Variants in PVT1 observed in about 807,000 individuals in gnomAD.
PVT1 encodes Pvt1 oncogene.
At chr8:127,887,028 A>G (rs2129795836) in intron 2 of PVT1, among the ~76,000 whole-genome samples, 1 of 152,336 alleles carries the variant, frequency 6.6e-6, no homozygotes, top group East Asian at 1.9e-4. Context: ...TTGGGCAGCA[A>G]TATAAATTGC....
intron 5 of PVT1, among the ~76,000 whole-genome samples, chr8:128,085,218 A>G (rs1003640251): frequency 2.6e-5 from 4 of 152,088 alleles, no homozygotes; most frequent in African/African-American, 9.7e-5. Flanking sequence ...TCAGCCAGCA[A>G]TCCTGAGAGC....
chr8:128,050,002 C>T (rs1410822166), intron 4 of PVT1, among the ~76,000 whole-genome samples: 2 of 152,140 alleles, frequency 1.3e-5, no homozygotes, highest in African/African-American at 2.4e-5. Flanking sequence ...AGGAGATGAC[C>T]GATGATCACG....
intron 2 of PVT1, among the ~76,000 whole-genome samples, chr8:127,817,411 TA>T (rs1328639676): frequency 2.0e-3 from 232 of 114,266 alleles, no homozygotes; most frequent in African/African-American, 7.3e-3. Flanking sequence ...AAATAATATA[TA>T]TTTAAATAGA....
intron 4 of PVT1, among the ~76,000 whole-genome samples, chr8:128,063,282 G>T (rs193226992): frequency 6.6e-6 from 1 of 152,224 alleles, no homozygotes; most frequent in Non-Finnish European, 1.5e-5. Flanking sequence ...GGATTCTGAG[G>T]TGGGAGGATC....
intron 2 of PVT1, among the ~76,000 whole-genome samples, chr8:127,850,342 G>A (rs1033568723): frequency 6.6e-6 from 1 of 152,172 alleles, no homozygotes; most frequent in African/African-American, 2.4e-5. Context: ...TGTAATCTCT[G>A]TGGCTTGTTT....
chr8:128,015,281 G>T (rs1339214028), intron 4 of PVT1, among the ~76,000 whole-genome samples: 1 of 151,820 alleles, frequency 6.6e-6, no homozygotes, highest in Admixed American at 6.6e-5. Context: ...GTAGAGACTG[G>T]TTTTCACTAT....
chr8:127,871,475 G>T (rs575563235), intron 2 of PVT1, among the ~76,000 whole-genome samples: 1 of 152,334 alleles, frequency 6.6e-6, no homozygotes, highest in South Asian at 2.1e-4. Flanking sequence ...AAATTTTGCT[G>T]CTGAGGAAGG....
chr8:127,984,837 T>TTTTCTTTTCTTTCTTTC (rs1196758951), intron 3 of PVT1, among the ~76,000 whole-genome samples: 4 of 81,282 alleles, frequency 4.9e-5, no homozygotes, highest in Non-Finnish European at 7.6e-5. Context: ...CTTTCTTTTC[T>TTTTCTTTTCTTTCTTTC]TTTCTTTCTT....
chr8:128,004,509 C>T (rs985966414), intron 4 of PVT1, among the ~76,000 whole-genome samples: 2 of 152,120 alleles, frequency 1.3e-5, no homozygotes, highest in African/African-American at 2.4e-5. Flanking sequence ...TAGCAAAGCC[C>T]GGGGCACAAT....
chr8:127,924,753 C>T lies in PVT1; in HGVS notation n.782+33755C>T, dbSNP rs755918716. Among the ~76,000 whole-genome samples the T allele has an allele frequency of 5.3e-5, 8 of 152,066 alleles. No individual in the cohort carries two copies. The South Asian group carries it at 6.2e-4, about 12-fold the overall frequency. On this transcript the variant is annotated intron_variant and non_coding_transcript_variant, in intron 3 of 10. Transcript: ENST00000651587. Reference sequence around the variant, plus strand: ...GTCTTGATCTCCTGACCTCGTGATCCGCCCACCTCGGCCTCCCAAAGTGCT... The same window carrying T: ...GTCTTGATCTCCTGACCTCGTGATCTGCCCACCTCGGCCTCCCAAAGTGCT...
At chr8:128,025,065 C>T (rs1817477703) in intron 4 of PVT1, among the ~76,000 whole-genome samples, 1 of 152,238 alleles carries the variant, frequency 6.6e-6, no homozygotes, top group Non-Finnish European at 1.5e-5. Context: ...TGCTGGCTGC[C>T]CCGGCATCTA....
Position 128,054,806 on chromosome 8 carries a change from C to T in PVT1, n.913-15354C>T, listed in dbSNP as rs933031618. On this transcript the variant is annotated intron_variant and non_coding_transcript_variant, in intron 4 of 10. Coordinates refer to ENST00000651587, the Ensembl canonical transcript of PVT1. ...GAGAAATGCCATGTGATGGTTAATT[C>T]CATCTGTCACCTTGGGTAGTTACCC... Among the ~76,000 whole-genome samples the T allele has an allele frequency of 3.9e-5, 6 of 152,314 alleles. No homozygotes were observed. The East Asian group carries it at 1.2e-3, about 29-fold the overall frequency.
At chr8:127,798,208 G>A (rs1027040089) in intron 2 of PVT1, among the ~76,000 whole-genome samples, 1 of 151,928 alleles carries the variant, frequency 6.6e-6, no homozygotes, top group African/African-American at 2.4e-5. Context: ...GGAGTCTGAG[G>A]CAGGAGAATT....
chr8:127,823,504 T>C (rs925627888), intron 2 of PVT1, among the ~76,000 whole-genome samples: 1 of 152,232 alleles, frequency 6.6e-6, no homozygotes, highest in Non-Finnish European at 1.5e-5. Context: ...CTGCCTGTCC[T>C]TAGCCCTGTT....
chr8:127,984,890 T>TCC (rs1491150179), intron 3 of PVT1, among the ~76,000 whole-genome samples: 1 of 103,454 alleles, frequency 9.7e-6, no homozygotes, highest in Non-Finnish European at 2.1e-5. Context: ...TCTTTCTTTC[T>TCC]TTCTTTCTTT....
chr8:127,956,181 G>A lies in PVT1; in HGVS notation n.783-32981G>A, dbSNP rs577548296. The stretch of plus-strand genomic sequence containing the variant: ...GGGAAGAGCCTTGGCTTTGGCCCCA[G>A]CACTCAGCTGTTCCAGGTTGAGCCT... On this transcript the variant is annotated intron_variant and non_coding_transcript_variant, in intron 3 of 10. Transcript: ENST00000651587. Among the ~76,000 whole-genome samples, 4 of 152,362 alleles carry A rather than the reference G, an allele frequency of 2.6e-5. No homozygotes were observed. In the East Asian group the frequency reaches 7.7e-4, roughly 29 times the overall value.
chr8:128,069,964 T>C (rs1356972727), intron 4 of PVT1, among the ~76,000 whole-genome samples: 1 of 152,160 alleles, frequency 6.6e-6, no homozygotes, highest in Non-Finnish European at 1.5e-5. Flanking sequence ...GAGACAAATG[T>C]GGAATTTTTA....
intron 2 of PVT1, among the ~76,000 whole-genome samples, chr8:127,800,969 T>A (rs188918223): frequency 1.8e-3 from 273 of 152,222 alleles, no homozygotes; most frequent in Non-Finnish European, 3.1e-3. Flanking sequence ...CAGGGCAGGC[T>A]CCATGGAGGA....
chr8:127,816,449 A>G (rs1214217791), intron 2 of PVT1, among the ~76,000 whole-genome samples: 1 of 150,180 alleles, frequency 6.7e-6, no homozygotes, highest in Admixed American at 6.6e-5. Context: ...TGCCAGGCCA[A>G]CTCTTATCTT....
Sources: gnomAD v4.1 joint callset for allele counts (sites outside exome capture counted in the v4.1 genomes callset) on GRCh38, gnomAD v4.1.1 for gene constraint, MANE v1.5 for transcripts, NCBI Gene and HGNC (gene_info 2026-07-23, HGNC 2026-07-21) for gene names.